The following CD1B variants were observed in gnomAD, a reference collection of about 807,000 sequenced individuals.
The protein encoded by CD1B is T-cell surface glycoprotein CD1b.
CD1B carries 43 observed loss-of-function variants against 39.8 expected under a neutral mutation model. The observed-to-expected ratio is 1.08, with a 90% CI of 0.85 to 1.39. CD1B has a LOEUF of 1.39. Among genes scored for constraint, CD1B ranks in the 40% most tolerant of loss-of-function variants. The pLI is 0.00. For missense variants in CD1B, 495 were observed against 403.8 expected, an observed-to-expected ratio of 1.23 and a Z score of -1.94; for synonymous variants, 192 against 152.5, an observed-to-expected ratio of 1.26 and a Z score of -1.91.
rs190425067 is a variant in CD1B at position 158,329,393 on chromosome 1, C to T, written c.863G>A (p.Gly288Asp). Residue 288 changes from glycine to aspartate, a missense_variant, in exon 4 of 6, where the codon GGC becomes GAC. Transcript: ENST00000368168. ...SCRVKHSSLE[G>D]QDIILYWRNP... ...ACTCCAGTAGAGGATGATGTCCTGGCCCTCTAAACTGCTGTGCTTCACCCG... is the reference window on the plus strand; with the variant it reads ...ACTCCAGTAGAGGATGATGTCCTGGTCCTCTAAACTGCTGTGCTTCACCCG... 5 of 1,613,954 alleles carry T rather than the reference C, an allele frequency of 3.1e-6. No individual in the cohort carries two copies. The highest frequency in any genetic ancestry group is 4.5e-5 in the East Asian group (2 of 44,868).
At chr1:158,292,465 A>AG in the CD1B span, 2 of 1,491,818 alleles carry the variant, frequency 1.3e-6, no homozygotes, top group African/African-American at 1.4e-5. Context: ...GACAAGAAGC[A>AG]GGGGGGTTGC....
At chr1:158,307,107 C>A in the CD1B span, among the ~76,000 whole-genome samples, 1 of 152,078 alleles carries the variant, frequency 6.6e-6, no homozygotes. Flanking sequence ...AAATAAGAGA[C>A]ACAAAAACCC....
Position 158,328,784 on chromosome 1 carries a change from G to A in CD1B, c.980+137C>T, listed in dbSNP as rs557140094. On this transcript the variant is annotated intron_variant, in intron 5 of 5. Transcript: ENST00000368168. Reference sequence around the variant, plus strand: ...AATTTTTTTTAAGTCCACATAAAACGAATGGGAGTTTGGGGAAAGGATATG... The same window carrying A: ...AATTTTTTTTAAGTCCACATAAAACAAATGGGAGTTTGGGGAAAGGATATG... The A allele has an allele frequency of 4.7e-4, 295 of 626,410 alleles. 1 individual carries two copies. The highest frequency in any genetic ancestry group is 7.5e-5 in the African/African-American group (4 of 53,248). 38.8% of individuals were successfully genotyped at this position (626,410 alleles called of 1,614,324 possible). A position where few individuals can be genotyped will look rare whatever the true frequency, so the allele number is the denominator to read the frequency against.
chr1:158,290,437 A>C, the CD1B span, among the ~76,000 whole-genome samples: 5 of 152,282 alleles, frequency 3.3e-5, no homozygotes, highest in East Asian at 9.7e-4. Context: ...AATGACACGC[A>C]AGGTCCAGAG....
the CD1B span, among the ~76,000 whole-genome samples, chr1:158,298,622 C>T: frequency 1.3e-5 from 2 of 152,110 alleles, no homozygotes; most frequent in Non-Finnish European, 2.9e-5. Flanking sequence ...GCCATTTTCA[C>T]GATATTGATT....
the CD1B span, among the ~76,000 whole-genome samples, chr1:158,306,806 C>A: frequency 6.6e-6 from 1 of 151,292 alleles, no homozygotes; most frequent in Non-Finnish European, 1.5e-5. Context: ...ACATGGAAAC[C>A]GAGCAACCTG....
chr1:158,325,086 TGATTCCATCAAGGTAATAA>T (rs1241445268), downstream of CD1B, among the ~76,000 whole-genome samples: 1 of 152,064 alleles, frequency 6.6e-6, no homozygotes, highest in Admixed American at 6.6e-5. Context: ...CTTATTACCT[TGATTCCATCAAGGTAATAA>T]GATAGTTACT....
the CD1B span, among the ~76,000 whole-genome samples, chr1:158,297,134 T>C: frequency 0.012 from 1,871 of 151,876 alleles, 38 homozygotes; most frequent in African/African-American, 0.04. Context: ...AAAACCATCC[T>C]CAAGATACAC....
chr1:158,320,294 G>A, the CD1B span, among the ~76,000 whole-genome samples: 2 of 152,228 alleles, frequency 1.3e-5, no homozygotes, highest in South Asian at 2.1e-4. Context: ...AGACTGCGGT[G>A]CTAGCAATCA....
chr1:158,290,993 T>G, the CD1B span: 2 of 855,496 alleles, frequency 2.3e-6, no homozygotes, highest in Non-Finnish European at 3.6e-6. Flanking sequence ...AGCATGGGGC[T>G]CTGTGTAAGG....
chr1:158,330,063 C>G lies in CD1B; in HGVS notation c.396G>C (p.Leu132=), dbSNP rs1167411233. The part of the protein sequence containing the change: ...LHSGGAIVSF[L]RGALGGLDFL... ...AATCCAATCCTCCTAGAGCTCCCCT[C>G]AGGAAGCTTACTATGGCACCTCCAG... Residue 132 remains leucine, a synonymous_variant, in exon 3 of 6, where the codon CTG becomes CTC. Transcript: ENST00000368168. 6.2e-7 allele frequency: 1 copy of G among 1,613,902 alleles called. No homozygotes were observed. The highest frequency in any genetic ancestry group is 1.1e-5 in the South Asian group (1 of 91,068).
At chr1:158,292,567 C>T in the CD1B span, 1 of 1,604,002 alleles carries the variant, frequency 6.2e-7, no homozygotes, top group Non-Finnish European at 8.5e-7. Context: ...TAAGTTTCTT[C>T]ATCAGAACAC....
the CD1B span, among the ~76,000 whole-genome samples, chr1:158,303,673 T>G: frequency 1.3e-5 from 2 of 152,140 alleles, no homozygotes; most frequent in Non-Finnish European, 2.9e-5. Context: ...ACATTCACTA[T>G]AATCACAAAA....
At chr1:158,292,130 A>G in the CD1B span, 1 of 1,614,126 alleles carries the variant, frequency 6.2e-7, no homozygotes, top group Non-Finnish European at 8.5e-7. Context: ...TGCATTCTGG[A>G]AAGAGCCCAG....
chr1:158,301,076 G>A, the CD1B span, among the ~76,000 whole-genome samples: 1 of 151,382 alleles, frequency 6.6e-6, no homozygotes, highest in East Asian at 1.9e-4. Context: ...ATCTTTATTG[G>A]TTAAAGTCTG....
downstream of CD1B, among the ~76,000 whole-genome samples, chr1:158,326,892 G>T (rs1001564851): frequency 1.3e-5 from 2 of 152,106 alleles, no homozygotes; most frequent in Non-Finnish European, 2.9e-5. Context: ...CACTTGCTGG[G>T]TTCAAGTGAT....
the CD1B span, among the ~76,000 whole-genome samples, chr1:158,312,643 A>C: frequency 6.6e-6 from 1 of 151,706 alleles, no homozygotes; most frequent in African/African-American, 2.4e-5. Flanking sequence ...TTCTTGATTT[A>C]TTTTTCAGAT....
the CD1B span, among the ~76,000 whole-genome samples, chr1:158,313,124 A>G: frequency 6.6e-6 from 1 of 151,924 alleles, no homozygotes; most frequent in Non-Finnish European, 1.5e-5. Context: ...TTTGTCCTTT[A>G]TTCTATTAAT....
the CD1B span, among the ~76,000 whole-genome samples, chr1:158,310,277 T>C: frequency 6.6e-6 from 1 of 152,150 alleles, no homozygotes; most frequent in Admixed American, 6.6e-5. Context: ...TGCAGAATAT[T>C]GAAAATTTAC....
Sources: allele counts gnomAD v4.1 joint callset (sites outside exome capture counted in the v4.1 genomes callset), GRCh38; gene constraint gnomAD v4.1.1; transcripts MANE v1.5; gene names NCBI Gene and HGNC (gene_info 2026-07-23, HGNC 2026-07-21).